BCR: variants seen among roughly 807,000 people sequenced by gnomAD.
BCR encodes breakpoint cluster region protein.
A neutral mutation model predicts 138.6 loss-of-function variants in BCR; 58 were observed. The observed-to-expected ratio is 0.42, with a 90% CI of 0.34 to 0.52. BCR has a LOEUF of 0.52. BCR is among the 20% of genes least tolerant of loss of function. The pLI is 0.06. For missense variants in BCR, 1,599 were observed against 1,727.2 expected (o/e 0.93, Z 1.32); for synonymous variants, 786 against 730.1 (o/e 1.08, Z -1.23).
At chr22:23,246,615 A>G (rs1030606300) in intron 1 of BCR, among the ~76,000 whole-genome samples, 49 of 152,212 alleles carry the variant, frequency 3.2e-4, no homozygotes, top group African/African-American at 1.1e-3. Flanking sequence ...GCAGCTGGGC[A>G]CAGTCAAGCT....
intron 1 of BCR, chr22:23,242,923 G>T (rs531905158): frequency 4.4e-6 from 2 of 455,470 alleles, no homozygotes; most frequent in Admixed American, 4.7e-5. Context: ...GATGGCCCAC[G>T]GCATTCCTCG....
At position 23,299,201 on chromosome 22, in the gene BCR, G is replaced by A. The variant is rs148368920; in HGVS notation, c.3012+4046G>A. 3.0e-3 allele frequency among the ~76,000 whole-genome samples: 461 copies of A among 151,682 alleles called. 2 individuals are homozygous for A. The highest frequency in any genetic ancestry group is 0.011 in the African/African-American group (437 of 41,386). On this transcript the variant is annotated intron_variant, in intron 16 of 22. Coordinates refer to ENST00000305877, the MANE Select transcript of BCR (RefSeq NM_004327.4). ...TTAGTAGAGATGGGGTTTCACCGTG[G>A]TCTCGATCTCCTGACCTCATGATCC...
chr22:23,258,128 A>C (rs1448613573), intron 2 of BCR, among the ~76,000 whole-genome samples: 1 of 152,076 alleles, frequency 6.6e-6, no homozygotes, highest in Admixed American at 6.5e-5. Context: ...TGTCCCCCCC[A>C]CACACATGTA....
intron 2 of BCR, among the ~76,000 whole-genome samples, chr22:23,256,700 G>C (rs2073299102): frequency 6.6e-6 from 1 of 152,110 alleles, no homozygotes; most frequent in Non-Finnish European, 1.5e-5. Flanking sequence ...GGGGGACTAG[G>C]AGGAGGGACT....
Position 23,197,195 on chromosome 22 carries a change from A to G in BCR, c.1279+14956A>G, listed in dbSNP as rs545058534. Among the ~76,000 whole-genome samples the G allele has an allele frequency of 3.9e-5, 6 of 152,338 alleles. No homozygotes were observed. The East Asian group carries it at 9.6e-4, about 24-fold the overall frequency. ...AGATACCACTGTGTCACAATTGCTT[A>G]CGGTATTCAGTACGGTAACATGCTG... is the stretch of plus-strand genomic sequence containing the variant. On this transcript the variant is annotated intron_variant, in intron 1 of 22. Transcript: ENST00000305877.
chr22:23,304,544 C>G (rs532236007), intron 16 of BCR, among the ~76,000 whole-genome samples: 8 of 152,116 alleles, frequency 5.3e-5, no homozygotes, highest in Non-Finnish European at 1.2e-4. Context: ...ACGAACATGT[C>G]CTTGGTACCA....
At chr22:23,287,509 G>A (rs2073729959) in intron 11 of BCR, among the ~76,000 whole-genome samples, 1 of 152,256 alleles carries the variant, frequency 6.6e-6, no homozygotes, top group Admixed American at 6.5e-5. Flanking sequence ...TCTCCAGGGA[G>A]GGTATAGGGC....
intron 1 of BCR, among the ~76,000 whole-genome samples, chr22:23,225,548 G>A (rs1226638152): frequency 6.6e-6 from 1 of 152,240 alleles, no homozygotes; most frequent in Admixed American, 6.5e-5. Flanking sequence ...TCAGGACACG[G>A]GTATGGGGGA....
chr22:23,222,033 G>C (rs1415304469), intron 1 of BCR, among the ~76,000 whole-genome samples: 1 of 152,122 alleles, frequency 6.6e-6, no homozygotes, highest in African/African-American at 2.4e-5. Context: ...GGAGGTTGCA[G>C]TGAGCTGAGA....
At chr22:23,263,417 T>C in intron 4 of BCR, 1 of 1,300,644 alleles carries the variant, frequency 7.7e-7, no homozygotes. Flanking sequence ...TGAAGGTGTC[T>C]CAGAACTGGA....
intron 15 of BCR, among the ~76,000 whole-genome samples, 160 bp downstream of exon 15, chr22:23,292,798 C>T (rs1046487132): frequency 6.6e-6 from 1 of 152,194 alleles, no homozygotes; most frequent in African/African-American, 2.4e-5. Flanking sequence ...GTGACGTGTC[C>T]AAGAGATTTT....
At chr22:23,200,470 A>T (rs1273767825) in intron 1 of BCR, among the ~76,000 whole-genome samples, 1 of 151,936 alleles carries the variant, frequency 6.6e-6, no homozygotes, top group Admixed American at 6.6e-5. Flanking sequence ...ATGCACCACC[A>T]TCCCCCCAGG....
At chr22:23,283,518 C>T (rs1256005555) in intron 8 of BCR, 2 of 165,784 alleles carry the variant, frequency 1.2e-5, no homozygotes, top group Non-Finnish European at 2.6e-5. Flanking sequence ...GATGGTCCCT[C>T]TACAGAAATA....
chr22:23,223,198 A>C (rs1355669565), intron 1 of BCR, among the ~76,000 whole-genome samples: 1 of 152,216 alleles, frequency 6.6e-6, no homozygotes, highest in East Asian at 1.9e-4. Context: ...AGTCCATAGC[A>C]CAAGGGGTGA....
intron 8 of BCR, among the ~76,000 whole-genome samples, chr22:23,274,426 G>A (rs1986610700): frequency 6.6e-6 from 1 of 152,226 alleles, no homozygotes; most frequent in Non-Finnish European, 1.5e-5. Context: ...TTCCCAGGCA[G>A]GTAGCAGCTA....
At chr22:23,280,335 G>A (rs746183565) in intron 8 of BCR, among the ~76,000 whole-genome samples, 2 of 152,146 alleles carry the variant, frequency 1.3e-5, no homozygotes, top group African/African-American at 4.8e-5. Context: ...AGCCTGATGC[G>A]ACCCCCTCCT....
intron 2 of BCR, among the ~76,000 whole-genome samples, chr22:23,258,514 G>A (rs938790968): frequency 2.0e-5 from 3 of 152,228 alleles, no homozygotes; most frequent in African/African-American, 7.2e-5. Context: ...GGCAGGGGCT[G>A]TGCTGGGACC....
Position 23,263,194 on chromosome 22 carries a change from C to T in BCR, c.1752+1654C>T, listed in dbSNP as rs371533599. Reference sequence around the variant, plus strand: ...GCGGCTCGGGAGTCAGCCGCCTGCCCGGCTGCGGGGCCAGCGCTCTGGCGC... The same window carrying T: ...GCGGCTCGGGAGTCAGCCGCCTGCCTGGCTGCGGGGCCAGCGCTCTGGCGC... On this transcript the variant is annotated intron_variant, in intron 4 of 22. Transcript: ENST00000305877. 71 of 901,618 alleles carry T rather than the reference C, an allele frequency of 7.9e-5. 1 individual carries two copies. In the South Asian group the frequency reaches 1.0e-3, roughly 13 times the overall value. The allele number at this position is 901,618 out of a possible 1,614,324, so 55.9% of individuals were successfully genotyped here. A position where few individuals can be genotyped will look rare whatever the true frequency, so the allele number is the denominator to read the frequency against.
chr22:23,313,128 T>C (rs898370688), intron 20 of BCR, 107 bp downstream of exon 20: 87 of 1,391,840 alleles, frequency 6.3e-5, no homozygotes, highest in Non-Finnish European at 8.1e-5. Context: ...GTGCCCCCTC[T>C]GCCATGGTCG....
Sources: allele counts gnomAD v4.1 joint callset (sites outside exome capture counted in the v4.1 genomes callset), GRCh38; gene constraint gnomAD v4.1.1; transcripts MANE v1.5; gene names NCBI Gene and HGNC (gene_info 2026-07-23, HGNC 2026-07-21).